Variants in NDUFS4 observed in about 807,000 individuals in gnomAD.
NDUFS4 encodes NADH dehydrogenase [ubiquinone] iron-sulfur protein 4, mitochondrial.
Under a neutral mutation model 24.3 loss-of-function variants are expected in NDUFS4, and 28 were observed. The observed-to-expected ratio is 1.15, with a 90% confidence interval of 0.85 to 1.58. The LOEUF is 1.58. Among genes scored for constraint, NDUFS4 ranks in the 40% most tolerant of loss-of-function variants. The pLI, the probability that NDUFS4 is intolerant of heterozygous loss-of-function variation, is 0.00. For missense variants in NDUFS4, 223 were observed against 207.9 expected (o/e 1.07, Z -0.45); for synonymous variants, 93 against 69.7 (o/e 1.34, Z -1.67).
At chr5:53,601,079 A>G (rs1750306480) in intron 1 of NDUFS4, among the ~76,000 whole-genome samples, 1 of 145,314 alleles carries the variant, frequency 6.9e-6, no homozygotes, top group South Asian at 2.1e-4. Context: ...ATCTCAGCTC[A>G]CTGCAAGCTC....
intron 1 of NDUFS4, among the ~76,000 whole-genome samples, chr5:53,567,345 T>C (rs1292863038): frequency 6.6e-6 from 1 of 152,236 alleles, no homozygotes; most frequent in Non-Finnish European, 1.5e-5. Context: ...GTGTCTTCTT[T>C]ATTTGAGAGA....
At chr5:53,642,505 C>T (rs535145633) in intron 2 of NDUFS4, among the ~76,000 whole-genome samples, 2 of 151,970 alleles carry the variant, frequency 1.3e-5, no homozygotes, top group East Asian at 3.9e-4. Flanking sequence ...AAGAGAGCGG[C>T]CAGCAAGACT....
intron 1 of NDUFS4, among the ~76,000 whole-genome samples, chr5:53,582,057 A>G (rs1181474044): frequency 1.3e-5 from 2 of 151,752 alleles, no homozygotes; most frequent in African/African-American, 4.8e-5. Context: ...TAAAAATACA[A>G]AAAATTAGCC....
At chr5:53,622,528 T>C (rs148270853) in intron 2 of NDUFS4, among the ~76,000 whole-genome samples, 8 of 152,222 alleles carry the variant, frequency 5.3e-5, no homozygotes, top group Admixed American at 1.3e-4. Context: ...AGGGCCTTAC[T>C]CATGATCTCA....
intron 1 of NDUFS4, among the ~76,000 whole-genome samples, chr5:53,565,159 G>C (rs1490667404): frequency 6.6e-6 from 1 of 152,218 alleles, no homozygotes; most frequent in Non-Finnish European, 1.5e-5. Flanking sequence ...TGTACTCCAG[G>C]TGGGGTCTGC....
intron 1 of NDUFS4, among the ~76,000 whole-genome samples, chr5:53,579,608 TG>T (rs1749493508): frequency 6.6e-6 from 1 of 152,166 alleles, no homozygotes; most frequent in Non-Finnish European, 1.5e-5. Context: ...CCCAGCTACT[TG>T]GAAGGCTGAA....
At chr5:53,572,972 T>TTTTTTTTTG (rs1749263686) in intron 1 of NDUFS4, among the ~76,000 whole-genome samples, 1 of 67,028 alleles carries the variant, frequency 1.5e-5, no homozygotes, top group Non-Finnish European at 2.8e-5. Flanking sequence ...TTTTTTTTGT[T>TTTTTTTTTG]TTTTTTTTTT....
At chr5:53,660,689 G>A (rs1272379025) in intron 4 of NDUFS4, among the ~76,000 whole-genome samples, 16 of 151,874 alleles carry the variant, frequency 1.1e-4, no homozygotes, top group African/African-American at 2.7e-4. Flanking sequence ...AATGATCGCC[G>A]TTCTAACTGG....
chr5:53,660,059 A>G, intron 4 of NDUFS4, among the ~76,000 whole-genome samples: 1 of 151,894 alleles, frequency 6.6e-6, no homozygotes, highest in South Asian at 2.1e-4. Flanking sequence ...GGTTTGCTAC[A>G]CATGTATACA....
intron 1 of NDUFS4, among the ~76,000 whole-genome samples, chr5:53,580,410 G>A (rs1005786482): frequency 2.6e-5 from 4 of 152,140 alleles, no homozygotes; most frequent in African/African-American, 4.8e-5. Context: ...CCTTTGGAGG[G>A]GATCTTCCTA....
chr5:53,566,579 G>C (rs6450151), intron 1 of NDUFS4, among the ~76,000 whole-genome samples: 63,963 of 151,816 alleles, frequency 0.42, 14,289 homozygotes, highest in Admixed American at 0.5. Context: ...ATTGTCTCTT[G>C]GTATCCATGA....
At chr5:53,662,018 A>G (rs1561393823) in intron 4 of NDUFS4, among the ~76,000 whole-genome samples, 1 of 152,154 alleles carries the variant, frequency 6.6e-6, no homozygotes, top group African/African-American at 2.4e-5. Flanking sequence ...CCCTGGCCAG[A>G]ACTTCCAACA....
chr5:53,560,889 C>T (rs1249994955), intron 1 of NDUFS4, 129 bp downstream of exon 1: 2 of 1,539,478 alleles, frequency 1.3e-6, no homozygotes, highest in Non-Finnish European at 1.7e-6. Flanking sequence ...CGGGAGAAGT[C>T]GGGCGGACTA....
intron 1 of NDUFS4, among the ~76,000 whole-genome samples, chr5:53,580,131 C>T (rs1463123976): frequency 6.6e-6 from 1 of 152,144 alleles, no homozygotes; most frequent in East Asian, 1.9e-4. Context: ...CTCCCTGTGT[C>T]TCATTATCCA....
intron 1 of NDUFS4, among the ~76,000 whole-genome samples, chr5:53,586,731 G>A (rs1044014936): frequency 6.6e-6 from 1 of 152,004 alleles, no homozygotes; most frequent in Non-Finnish European, 1.5e-5. Flanking sequence ...CACCGTGTTA[G>A]CCAGGATGGT....
chr5:53,681,730 A>ACTTT (rs1740672128), intron 4 of NDUFS4, among the ~76,000 whole-genome samples: 1 of 152,008 alleles, frequency 6.6e-6, no homozygotes, highest in Admixed American at 6.6e-5. Context: ...TAGTTATTGG[A>ACTTT]CTTTCTTTGG....
intron 3 of NDUFS4, among the ~76,000 whole-genome samples, chr5:53,652,954 A>G (rs1579921191): frequency 1.3e-5 from 2 of 151,062 alleles, no homozygotes; most frequent in Non-Finnish European, 1.5e-5. Context: ...TTTTTTTACA[A>G]TCTTTTATCT....
chr5:53,622,972 A>G (rs565682121), intron 2 of NDUFS4, among the ~76,000 whole-genome samples: 5 of 152,322 alleles, frequency 3.3e-5, no homozygotes, highest in African/African-American at 9.6e-5. Context: ...TAAAGGCTCT[A>G]CATAATAGTT....
At position 53,579,878 on chromosome 5, in the gene NDUFS4, GATGTGACTAC is replaced by G. The variant is rs55998093; in HGVS notation, c.98+19123_98+19132del. ...TAGAGTTGGAAGCAGAGATTGGAGT[GATGTGACTAC>G]ATGTCAAAGAATGCCAACAGTCTCT... On this transcript the variant is annotated intron_variant, in intron 1 of 4. Coordinates refer to ENST00000296684, the MANE Select transcript of NDUFS4 (RefSeq NM_002495.4). Among the ~76,000 whole-genome samples, 486 of 152,268 alleles carry G rather than the reference GATGTGACTAC, an allele frequency of 3.2e-3. 5 individuals carry two copies. Among genetic ancestry groups the G allele is most frequent in the South Asian group, 0.012 (57 of 4,820 alleles).
Sources: allele counts gnomAD v4.1 joint callset (sites outside exome capture counted in the v4.1 genomes callset), GRCh38; gene constraint gnomAD v4.1.1; transcripts MANE v1.5; gene names NCBI Gene and HGNC (gene_info 2026-07-23, HGNC 2026-07-21).